XRCC6: variants seen among roughly 807,000 people sequenced by gnomAD.
XRCC6 encodes the protein X-ray repair cross complementing 6.
XRCC6 carries 5 observed loss-of-function variants against 65.7 expected under a neutral mutation model. The ratio of observed to expected loss-of-function variants is 0.08; its 90% CI spans 0.04 to 0.16. The LOEUF is 0.16. Ranked by LOEUF, XRCC6 falls within the 10% of genes least tolerant of loss-of-function variation. The probability of loss-of-function intolerance (pLI) is 1.00; values close to 1 mark genes in which losing one functional copy is unlikely to be tolerated. For synonymous variants in XRCC6, 270 were observed against 270.6 expected (o/e 1.00, Z 0.02); for missense variants, 447 against 738.1 (o/e 0.61, Z 4.57).
At chr22:41,640,540 C>T (rs957719046) in intron 6 of XRCC6, among the ~76,000 whole-genome samples, 1 of 152,164 alleles carries the variant, frequency 6.6e-6, no homozygotes, top group Admixed American at 6.5e-5. Flanking sequence ...CTCAAGCTTT[C>T]ATTCTGGAGT....
Position 41,636,738 on chromosome 22 carries a change from C to G in XRCC6, c.557C>G (p.Ala186Gly), listed in dbSNP as rs776401056. 1.2e-6 allele frequency: 2 copies of G among 1,614,158 alleles called. No homozygotes were observed. The highest frequency in any genetic ancestry group is 1.7e-6 in the Non-Finnish European group (2 of 1,180,040). The change falls in exon 5 of 13, where the codon GCC becomes GGC. Residue 186 changes from alanine (A) to glycine (G), a missense_variant. Ala to Gly is a moderately conservative substitution (Grantham distance 60). This residue lies in a region of XRCC6 where 228 missense variants were observed against 307.4 expected (regional missense o/e 0.74). Transcript: ENST00000360079. ...HGNDSAKASR[A>G]RTKAGDLRDT... ...AATGACAGTGCCAAAGCCAGCCGGG[C>G]CAGGACCAAAGCCGGTGATCTCCGA...
At chr22:41,635,292 T>A (rs1390572562) in intron 3 of XRCC6, among the ~76,000 whole-genome samples, 1 of 152,176 alleles carries the variant, frequency 6.6e-6, no homozygotes, top group Non-Finnish European at 1.5e-5. Context: ...AAACGGGAAT[T>A]TCTTTGTTTT....
Position 41,650,594 on chromosome 22 carries a change from G to T in XRCC6, c.961-129G>T, listed in dbSNP as rs964389313. On this transcript the variant is annotated intron_variant, in intron 7 of 12. Transcript: ENST00000360079. ...TAATTCCCTGTTGGAGAAGGAGGAT[G>T]CCCCAGGTGAGCCATCTTCCTGCTC... The T allele has an allele frequency of 5.8e-6, 5 of 861,944 alleles. No individual in the cohort carries two copies. In the East Asian group the frequency reaches 1.0e-4, roughly 18 times the overall value. The allele number at this position is 861,944 out of a possible 1,614,324, so 53.4% of individuals were successfully genotyped here. A position where few individuals can be genotyped will look rare whatever the true frequency, so the allele number is the denominator to read the frequency against.
At chr22:41,644,062 T>A (rs1332078497) in intron 6 of XRCC6, among the ~76,000 whole-genome samples, 1 of 145,664 alleles carries the variant, frequency 6.9e-6, no homozygotes, top group Non-Finnish European at 1.5e-5. Flanking sequence ...CAGGAGAATC[T>A]CTTGAACCCG....
At chr22:41,658,204 A>T in intron 10 of XRCC6, 48 bp from the exon 11 acceptor site, 1 of 1,591,668 alleles carries the variant, frequency 6.3e-7, no homozygotes, top group South Asian at 1.1e-5. Context: ...AATTTTTTCA[A>T]TGTTTAAATT....
rs1004207072 is a variant in XRCC6, at chr22:41,636,867, C to T, written c.589+97C>T. 3.4e-6 allele frequency: 5 copies of T among 1,450,982 alleles called. No homozygotes were observed. In the Admixed American group the frequency reaches 1.2e-4, roughly 35 times the overall value. The allele number at this position is 1,450,982 out of a possible 1,614,324, so 89.9% of individuals were successfully genotyped here. On this transcript the variant is annotated intron_variant, in intron 5 of 12. Transcript: ENST00000360079. ...TTCAGGAGTCTTGGCTCAGCCTCAG[C>T]CTCCCAAGTAGCTGGGACTATAAGC...
intron 9 of XRCC6, among the ~76,000 whole-genome samples, chr22:41,655,446 G>T (rs992852470): frequency 6.6e-6 from 1 of 151,466 alleles, no homozygotes; most frequent in African/African-American, 2.4e-5. Context: ...GGTGGCTCAC[G>T]CCTGTAATCC....
Position 41,652,365 on chromosome 22 carries a change from C to CT in XRCC6, c.1130-1149dup, listed in dbSNP as rs754721375. 7.4e-3 allele frequency among the ~76,000 whole-genome samples: 1,046 copies of CT among 140,498 alleles called. 3 individuals carry two copies. Among genetic ancestry groups the CT allele is most frequent in the Non-Finnish European group, 7.2e-3 (460 of 64,054 alleles). 92.2% of individuals were successfully genotyped at this position (140,498 alleles called of 152,430 possible). On this transcript the variant is annotated intron_variant, in intron 8 of 12. Transcript: ENST00000360079. ...AAAGTGAACTGACATTAATAATTTGCTTTTTTTTTTTTTTTCTGGAGACAG... is the reference window on the plus strand; with the variant it reads ...AAAGTGAACTGACATTAATAATTTGCTTTTTTTTTTTTTTTTCTGGAGACAG...
At chr22:41,647,754 A>G (rs896248179) in intron 7 of XRCC6, among the ~76,000 whole-genome samples, 9 of 151,928 alleles carry the variant, frequency 5.9e-5, no homozygotes, top group African/African-American at 1.7e-4. Context: ...GTTTTGTTTA[A>G]TAGAGATGAG....
Position 41,649,983 on chromosome 22 carries a change from G to A in XRCC6, c.961-740G>A, listed in dbSNP as rs140852149. ...GGAGGTTGCCGTGAGTCGAGATTGC[G>A]CCACTGCACGCCAGTGACAGTGTGA... On this transcript the variant is annotated intron_variant, in intron 7 of 12. Transcript: ENST00000360079. 3.3e-4 allele frequency among the ~76,000 whole-genome samples: 50 copies of A among 152,144 alleles called. No individual in the cohort carries two copies. The East Asian group carries it at 6.9e-3, about 21-fold the overall frequency.
Position 41,636,082 on chromosome 22 carries a change from A to T in XRCC6, c.196-31A>T, listed in dbSNP as rs371006394. The T allele has an allele frequency of 3.7e-5, 57 of 1,550,602 alleles. No individual in the cohort carries two copies. The African/African-American group carries it at 7.0e-4, about 19-fold the overall frequency. ...ACTTATGGAGCTTCCATTTAGTGGT[A>T]AGTAAATATTAATTGAATTTTTTTT... On this transcript the variant is annotated intron_variant, in intron 3 of 12. Coordinates refer to ENST00000360079, the MANE Select transcript of XRCC6 (RefSeq NM_001469.5).
At chr22:41,623,760 G>A (rs945853383) in intron 2 of XRCC6, among the ~76,000 whole-genome samples, 2 of 151,706 alleles carry the variant, frequency 1.3e-5, no homozygotes, top group Non-Finnish European at 1.5e-5. Flanking sequence ...TTGCTCTGTC[G>A]CCCAGGCTGG....
intron 11 of XRCC6, 22 bp from the exon 12 acceptor site, chr22:41,661,309 C>T: frequency 6.2e-7 from 1 of 1,606,046 alleles, no homozygotes; most frequent in African/African-American, 1.3e-5. Flanking sequence ...CCAGGCCACT[C>T]TTCTGTGTTT....
At chr22:41,622,660 G>A (rs1026533970) in intron 2 of XRCC6, among the ~76,000 whole-genome samples, 87 of 152,244 alleles carry the variant, frequency 5.7e-4, no homozygotes, top group African/African-American at 2.0e-3. Flanking sequence ...ATGAGAAACG[G>A]CCAGGCGCGG....
At chr22:41,655,466 G>A (rs917577775) in intron 9 of XRCC6, among the ~76,000 whole-genome samples, 1 of 151,306 alleles carries the variant, frequency 6.6e-6, no homozygotes, top group Non-Finnish European at 1.5e-5. Flanking sequence ...CCAGCACTTT[G>A]GGATGCCAAG....
rs573876553 is a variant in XRCC6 at position 41,640,304 on chromosome 22, A to G, written c.773+2513A>G. Among the ~76,000 whole-genome samples, 8 of 151,866 alleles carry G rather than the reference A, an allele frequency of 5.3e-5. No individual in the cohort carries two copies. In the South Asian group the frequency reaches 1.2e-3, roughly 24 times the overall value. On this transcript the variant is annotated intron_variant, in intron 6 of 12. Transcript: ENST00000360079. The stretch of plus-strand genomic sequence containing the variant: ...GCTGGGACTACAGGCACCCGCCACC[A>G]CGCCGAGCTGATTTTTTTGTATTTT...
intron 2 of XRCC6, among the ~76,000 whole-genome samples, chr22:41,625,977 T>C (rs1319498390): frequency 6.6e-6 from 1 of 152,102 alleles, no homozygotes; most frequent in African/African-American, 2.4e-5. Flanking sequence ...TAGCTGGAAT[T>C]ATAGGCATGC....
intron 2 of XRCC6, among the ~76,000 whole-genome samples, chr22:41,623,374 C>T (rs78731363): frequency 0.042 from 6,451 of 152,156 alleles, 197 homozygotes; most frequent in Non-Finnish European, 0.063. Context: ...CCTCCATGCC[C>T]AGACTGTATC....
chr22:41,653,788 G>A, intron 9 of XRCC6, 98 bp downstream of exon 9: 1 of 1,404,586 alleles, frequency 7.1e-7, no homozygotes, highest in Non-Finnish European at 9.6e-7. Flanking sequence ...ATAGTCTCTG[G>A]GAATGGGGCT....
Sources: allele counts gnomAD v4.1 joint callset (sites outside exome capture counted in the v4.1 genomes callset), GRCh38; gene constraint gnomAD v4.1.1; regional missense constraint gnomAD v4.1.1; transcripts MANE v1.5; gene names NCBI Gene and HGNC (gene_info 2026-07-23, HGNC 2026-07-21).